CEP89: variants seen among roughly 807,000 people sequenced by gnomAD.
The protein encoded by CEP89 is centrosomal protein of 89 kDa.
A neutral mutation model predicts 97.6 loss-of-function variants in CEP89; 95 were observed. The ratio of observed to expected loss-of-function variants is 0.97; its 90% CI spans 0.82 to 1.15. The LOEUF is 1.15. Ranked by LOEUF, CEP89 falls within the 50% of genes most tolerant of loss-of-function variation. The pLI is 0.00. For synonymous variants in CEP89, 354 were observed against 349.1 expected (o/e 1.01, Z -0.16); for missense variants, 869 against 947.7 (o/e 0.92, Z 1.09).
chr19:32,955,366 C>T (rs889130064), intron 3 of CEP89, among the ~76,000 whole-genome samples: 2 of 152,096 alleles, frequency 1.3e-5, no homozygotes, highest in African/African-American at 4.8e-5. Context: ...CCAGCTTAAC[C>T]AGCCATTTTC....
At chr19:32,935,759 G>C (rs1485229364) in intron 7 of CEP89, among the ~76,000 whole-genome samples, 1 of 152,136 alleles carries the variant, frequency 6.6e-6, no homozygotes, top group Non-Finnish European at 1.5e-5. Flanking sequence ...CCATGGAGCA[G>C]GCAGGAGCCC....
intron 14 of CEP89, among the ~76,000 whole-genome samples, chr19:32,910,883 G>A (rs1393731327): frequency 6.6e-6 from 1 of 152,178 alleles, no homozygotes; most frequent in African/African-American, 2.4e-5. Context: ...GGACCCGCCT[G>A]AGCCTGTTTT....
chr19:32,950,849 C>T (rs1970897348), intron 4 of CEP89, among the ~76,000 whole-genome samples: 1 of 152,160 alleles, frequency 6.6e-6, no homozygotes, highest in South Asian at 2.1e-4. Context: ...GCAATGAGAA[C>T]AAACCCGCCC....
At chr19:32,927,927 T>TA (rs1219796915) in intron 9 of CEP89, among the ~76,000 whole-genome samples, 3 of 147,010 alleles carry the variant, frequency 2.0e-5, no homozygotes, top group Non-Finnish European at 4.5e-5. Context: ...TTCTTTTTTT[T>TA]TTTTTTTTGA....
In CEP89 at chr19:32,901,257, T is replaced by C; in HGVS notation, c.1721A>G (p.Gln574Arg). The C allele has an allele frequency of 1.2e-6, 2 of 1,609,428 alleles. No homozygotes were observed. Among genetic ancestry groups the C allele is most frequent in the Non-Finnish European group, 1.7e-6 (2 of 1,178,952 alleles). ...KALEAELERAQKINRKSQKKI... is the reference protein window; with the variant it reads ...KALEAELERARKINRKSQKKI... Reference sequence around the variant, plus strand: ...AAAAGACACAAACCTATTGATTTTCTGTGCTCGTTCAAGTTCGGCTTCCAG... The same window carrying C: ...AAAAGACACAAACCTATTGATTTTCCGTGCTCGTTCAAGTTCGGCTTCCAG... The change falls in exon 15 of 19, where the codon CAG (glutamine) becomes CGG (arginine). Residue 574 changes from glutamine (Q) to arginine (R), a missense_variant. By Grantham distance (43) the Gln-to-Arg change is conservative. Transcript: ENST00000305768.
At chr19:32,918,072 G>A (rs534103972) in intron 13 of CEP89, 152 bp downstream of exon 13, 13 of 662,578 alleles carry the variant, frequency 2.0e-5, no homozygotes, top group African/African-American at 1.6e-4. Flanking sequence ...GGGTAGTGAC[G>A]TGGAAAGGTT....
intron 1 of CEP89, 86 bp downstream of exon 1, chr19:32,971,750 A>G: frequency 1.4e-6 from 2 of 1,403,814 alleles, no homozygotes; most frequent in Admixed American, 2.0e-5. Context: ...ACTGGATCTC[A>G]GGCCAAACCC....
chr19:32,910,742 G>C (rs1034433963), intron 14 of CEP89, among the ~76,000 whole-genome samples: 52 of 152,060 alleles, frequency 3.4e-4, no homozygotes, highest in Middle Eastern at 3.4e-3. Flanking sequence ...GGCCTGCAGA[G>C]GGACAGGATC....
chr19:32,956,508 G>A (rs1218384849), intron 3 of CEP89, among the ~76,000 whole-genome samples: 2 of 151,890 alleles, frequency 1.3e-5, no homozygotes, highest in African/African-American at 4.8e-5. Flanking sequence ...GGGACTACAG[G>A]TGAGCAACAC....
Position 32,893,102 on chromosome 19 carries a change from T to C in CEP89, c.1876-5261A>G, listed in dbSNP as rs1174045476. On this transcript the variant is annotated intron_variant, in intron 16 of 18. Transcript: ENST00000305768. ...AAAAGATACAGACTGGCTGAATGGA[T>C]ATCAGAAAAAAAAAACACGATTCAA... Among the ~76,000 whole-genome samples the C allele has an allele frequency of 6.2e-5, 9 of 144,826 alleles. No homozygotes were observed. In the Admixed American group the frequency reaches 6.3e-4, roughly 10 times the overall value.
At chr19:32,914,560 C>G (rs1242353698) in intron 14 of CEP89, among the ~76,000 whole-genome samples, 1 of 152,068 alleles carries the variant, frequency 6.6e-6, no homozygotes, top group Non-Finnish European at 1.5e-5. Context: ...GCATGAGGCA[C>G]TACCCCCAGC....
Position 32,915,375 on chromosome 19 carries a change from T to C in CEP89, c.1527A>G (p.Ala509=). The change falls in exon 14 of 19, where the codon GCA becomes GCG. Residue 509 remains alanine, a synonymous_variant. Transcript: ENST00000305768. ...TCACAATTGATTTATGAACTTCCAC[T>C]GCGATTTTGCCATCCGAGTGTGTTT... The part of the protein sequence containing the change: ...ELKTHSDGKI[A]VEVHKSIVNE... 1 of 1,611,188 alleles carries C rather than the reference T, an allele frequency of 6.2e-7. No homozygotes were observed. The highest frequency in any genetic ancestry group is 8.5e-7 in the Non-Finnish European group (1 of 1,179,236).
chr19:32,879,513 C>G (rs1969234547), intron 18 of CEP89, 135 bp from the exon 19 acceptor site: 1 of 704,922 alleles, frequency 1.4e-6, no homozygotes, highest in Non-Finnish European at 2.4e-6. Context: ...GGTTCTGAAG[C>G]AAGCGCTCAG....
intron 14 of CEP89, 32 bp from the exon 15 acceptor site, chr19:32,901,444 C>G (rs368491230): frequency 2.5e-6 from 4 of 1,598,932 alleles, no homozygotes; most frequent in Non-Finnish European, 3.4e-6. Context: ...TGCTCGTATC[C>G]AGCACAATGA....
intron 2 of CEP89, among the ~76,000 whole-genome samples, chr19:32,962,045 T>C (rs929144927): frequency 1.5e-4 from 20 of 130,512 alleles, no homozygotes; most frequent in Admixed American, 2.3e-4. Flanking sequence ...CAAATTTCCA[T>C]ATGCAAAAAA....
At position 32,893,156 on chromosome 19, in the gene CEP89, C is replaced by A. The variant is rs141127572; in HGVS notation, c.1876-5315G>T. On this transcript the variant is annotated intron_variant, in intron 16 of 18. Coordinates refer to ENST00000305768, the MANE Select transcript of CEP89 (RefSeq NM_032816.5). ...TGTGCTGCCTACAAGAAACACATTT[C>A]ACTTGTAAAGATCCATACAGACTGA... Among the ~76,000 whole-genome samples the A allele has an allele frequency of 3.5e-3, 523 of 151,188 alleles. 1 individual carries two copies. The highest frequency in any genetic ancestry group is 0.012 in the African/African-American group (487 of 41,308).
At chr19:32,893,892 C>T (rs546577925) in intron 16 of CEP89, among the ~76,000 whole-genome samples, 5 of 152,156 alleles carry the variant, frequency 3.3e-5, no homozygotes, top group African/African-American at 1.2e-4. Context: ...AAAAGCAATG[C>T]TAAGAGGGAA....
intron 3 of CEP89, among the ~76,000 whole-genome samples, chr19:32,956,900 T>G (rs1181828981): frequency 6.6e-6 from 1 of 152,224 alleles, no homozygotes; most frequent in Non-Finnish European, 1.5e-5. Context: ...CACAGTCTTA[T>G]TTGTGTGTCT....
At chr19:32,952,046 C>T (rs1970930993) in intron 4 of CEP89, among the ~76,000 whole-genome samples, 1 of 152,102 alleles carries the variant, frequency 6.6e-6, no homozygotes. Context: ...GAGCTCTGGG[C>T]AGTGTCTGCC....
Sources: allele counts gnomAD v4.1 joint callset (sites outside exome capture counted in the v4.1 genomes callset), GRCh38; gene constraint gnomAD v4.1.1; transcripts MANE v1.5; gene names NCBI Gene and HGNC (gene_info 2026-07-23, HGNC 2026-07-21).